Variants in UNC45A observed in about 807,000 individuals in gnomAD.
UNC45A encodes the protein unc-45 myosin chaperone A.
UNC45A carries 78 observed loss-of-function variants against 103.2 expected under a neutral mutation model. The ratio of observed to expected loss-of-function variants is 0.76; its 90% CI spans 0.63 to 0.91. The LOEUF (loss-of-function observed/expected upper bound fraction) is 0.91. UNC45A is among the 40% of genes least tolerant of loss of function. UNC45A has a pLI of 0.00. For synonymous variants in UNC45A, 495 were observed against 504.6 expected (o/e 0.98, Z 0.25); for missense variants, 1,193 against 1,224.8 (o/e 0.97, Z 0.39).
rs571594435 is a variant in UNC45A, at chr15:90,948,692, G to A, written c.1776G>A (p.Ala592=). 1.2e-5 allele frequency: 19 copies of A among 1,614,018 alleles called. No homozygotes were observed. The highest frequency in any genetic ancestry group is 7.7e-5 in the South Asian group (7 of 91,074). The stretch of plus-strand genomic sequence containing the variant: ...CAGTGCTCTTTGCGGTGGCCTCAGC[G>A]CTGGTGAACTGCACCAACAGCTATG... ...ERSVLFAVAS[A]LVNCTNSYDY... is the part of the protein sequence containing the mutation. Residue 592 remains alanine (A), a synonymous_variant, in exon 13 of 20, where the codon GCG becomes GCA. Transcript: ENST00000418476.
At chr15:90,933,894 C>T, upstream of UNC45A, 1 of 395,486 alleles carries the variant, frequency 2.5e-6, no homozygotes, top group Non-Finnish European at 4.4e-6. Flanking sequence ...TCTCTAAAAG[C>T]CTGTGATAGA....
chr15:90,936,802 G>A (rs563330497), intron 4 of UNC45A, among the ~76,000 whole-genome samples: 70 of 152,260 alleles, frequency 4.6e-4, no homozygotes, highest in African/African-American at 1.6e-3. Flanking sequence ...AGCGTATCTT[G>A]TGATCCCATA....
Position 90,936,327 on chromosome 15 carries a change from G to A in UNC45A, c.293G>A (p.Arg98Gln), listed in dbSNP as rs200456477. Residue 98 changes from arginine (R) to glutamine (Q), a missense_variant, in exon 4 of 20, where the codon CGG becomes CAG. By Grantham distance (43) the Arg-to-Gln change is conservative (BLOSUM62 1). Coordinates refer to ENST00000418476, the MANE Select transcript of UNC45A (RefSeq NM_018671.5). The stretch of plus-strand genomic sequence containing the variant: ...GGGGATGTCAAAGCACTCTACCGGC[G>A]GAGCCAAGCCCTAGAGAAGCTGGGC... ...DGGDVKALYR[R>Q]SQALEKLGRL... is the part of the protein sequence containing the mutation. The A allele has an allele frequency of 2.0e-5, 32 of 1,614,068 alleles. No individual in the cohort carries two copies. Among genetic ancestry groups the A allele is most frequent in the South Asian group, 1.6e-4 (15 of 91,056 alleles).
chr15:90,953,122 C>G, intron 18 of UNC45A, 33 bp from the exon 19 acceptor site: 1 of 1,613,018 alleles, frequency 6.2e-7, no homozygotes, highest in South Asian at 1.1e-5. Flanking sequence ...TTACACCCAA[C>G]TGACTTGGTC....
At position 90,939,746 on chromosome 15, in the gene UNC45A, T is replaced by G; in HGVS notation, c.442T>G (p.Ser148Ala). 6.2e-7 allele frequency: 1 copy of G among 1,614,208 alleles called. No homozygotes were observed. ...QIQEKVRYMS[S>A]TDAKVEQMFQ... ...GTTTGTCTAGGTGCGATACATGTCC[T>G]CGACGGATGCCAAAGTGGAACAGAT... The change falls in exon 5 of 20, where the codon TCG (serine) becomes GCG (alanine). Residue 148 changes from serine to alanine, a missense_variant. Physicochemically the swap from Ser to Ala is moderately conservative, Grantham distance 99 (BLOSUM62 1). Coordinates refer to ENST00000418476, the MANE Select transcript of UNC45A (RefSeq NM_018671.5).
chr15:90,941,683 G>T (rs949638627), intron 6 of UNC45A, among the ~76,000 whole-genome samples: 1 of 151,976 alleles, frequency 6.6e-6, no homozygotes, highest in Non-Finnish European at 1.5e-5. Context: ...GAGAGGGCCC[G>T]GCGCGGTGGC....
chr15:90,938,076 C>T (rs112604202), intron 4 of UNC45A, among the ~76,000 whole-genome samples: 3,678 of 152,218 alleles, frequency 0.024, 149 homozygotes, highest in African/African-American at 0.084. Flanking sequence ...GGATAACAGG[C>T]GTGAGCCATG....
Position 90,950,155 on chromosome 15 carries a change from C to G in UNC45A, c.2075C>G (p.Ala692Gly). 1 of 1,551,266 alleles carries G rather than the reference C, an allele frequency of 6.4e-7. No individual in the cohort carries two copies. The highest frequency in any genetic ancestry group is 8.7e-7 in the Non-Finnish European group (1 of 1,146,962). The change falls in exon 16 of 20, where the codon GCG becomes GGG. Residue 692 changes from alanine (A) to glycine (G), a missense_variant and splice_region_variant. Transcript: ENST00000418476. ...GTVVAQGGGR[A>G]LIPLALEGTD... is the part of the protein sequence containing the mutation. ...GCAGTGACGGGCTTGTTCCTACAGG[C>G]GCTGATCCCGCTGGCCCTGGAAGGC... is the stretch of plus-strand genomic sequence containing the variant.
intron 9 of UNC45A, among the ~76,000 whole-genome samples, chr15:90,945,330 T>C (rs1250175510): frequency 6.6e-6 from 1 of 152,072 alleles, no homozygotes; most frequent in East Asian, 1.9e-4. Context: ...CTTCCTACGC[T>C]TCTGTTCCCA....
intron 3 of UNC45A, 119 bp from the exon 4 acceptor site, chr15:90,936,166 C>T (rs776877270): frequency 3.5e-4 from 529 of 1,515,644 alleles, no homozygotes; most frequent in Non-Finnish European, 4.6e-4. Flanking sequence ...GGCTGAAGCA[C>T]CGAGCCCCAC....
Position 90,946,771 on chromosome 15 carries a change from G to C in UNC45A, c.1357G>C (p.Glu453Gln), listed in dbSNP as rs776603989. 1 of 1,614,232 alleles carries C rather than the reference G, an allele frequency of 6.2e-7. No homozygotes were observed. Among genetic ancestry groups the C allele is most frequent in the South Asian group, 1.1e-5 (1 of 91,088 alleles). ...TCTGTGTGCCTCTGAGCAGGAGGAG[G>C]AGCAGCTGGTGGCCGTGGAGGCTCT... ...IALCASEQEE[E>Q]QLVAVEALIH... Residue 453 changes from glutamate to glutamine, a missense_variant, in exon 10 of 20, where the codon GAG becomes CAG. Coordinates refer to ENST00000418476, the MANE Select transcript of UNC45A (RefSeq NM_018671.5).
intron 10 of UNC45A, 28 bp downstream of exon 10, chr15:90,946,942 G>GGGGGCGGGGGGGGGGGGGC: frequency 1.2e-6 from 1 of 817,442 alleles, no homozygotes; most frequent in African/African-American, 1.7e-5. Flanking sequence ...GGGTGGGTGG[G>GGGGGCGGGGGGGGGGGGGC]CAGGCAGCCA....
At chr15:90,940,237 C>T (rs1025943799) in intron 5 of UNC45A, 69 bp from the exon 6 acceptor site, 20 of 1,521,900 alleles carry the variant, frequency 1.3e-5, no homozygotes, top group Non-Finnish European at 1.6e-5. Context: ...GCTCGGGGCC[C>T]CTGCTCACCA....
intron 17 of UNC45A, chr15:90,952,166 T>C (rs1457090993): frequency 6.6e-6 from 1 of 152,300 alleles, no homozygotes; most frequent in East Asian, 1.9e-4. Flanking sequence ...GTGGAGCAGA[T>C]GTAGAAACTC....
chr15:90,942,378 T>C, intron 6 of UNC45A, 59 bp from the exon 7 acceptor site: 1 of 1,544,008 alleles, frequency 6.5e-7, no homozygotes, highest in Middle Eastern at 2.3e-4. Context: ...CAGTTAGGGA[T>C]CTCTGTGGCT....
upstream of UNC45A, chr15:90,932,385 C>A (rs893206995): frequency 7.4e-6 from 9 of 1,210,212 alleles, no homozygotes; most frequent in East Asian, 2.5e-4. Context: ...CCAGTCCCCA[C>A]CACCCAGGTG....
Position 90,944,913 on chromosome 15 carries a change from TG to T in UNC45A, c.1055del (p.Gly352AlafsTer12). ...ACAGGTCTGAAAAAGATTTTGGAAGTGGGGGGCTCTCTACAGGACCCTCCTG... is the reference window on the plus strand; with the variant it reads ...ACAGGTCTGAAAAAGATTTTGGAAGTGGGGGCTCTCTACAGGACCCTCCTG... ...IDQGLKKILE[V>X]GGSLQDPPGE... On this transcript the variant is annotated frameshift_variant, in exon 9 of 20. Coordinates refer to ENST00000418476, the MANE Select transcript of UNC45A (RefSeq NM_018671.5). LOFTEE classifies it high-confidence loss of function. 1 of 1,612,188 alleles carries T rather than the reference TG, an allele frequency of 6.2e-7. No homozygotes were observed. The highest frequency in any genetic ancestry group is 1.1e-5 in the South Asian group (1 of 90,990).
At chr15:90,944,344 G>A (rs1276917874) in intron 8 of UNC45A, among the ~76,000 whole-genome samples, 2 of 151,896 alleles carry the variant, frequency 1.3e-5, no homozygotes, top group Admixed American at 1.3e-4. Flanking sequence ...CCGAGATCGC[G>A]CCATTGCTCT....
At chr15:90,931,508 G>C (rs1052535), upstream of UNC45A, 459,997 of 1,613,716 alleles carry the variant, frequency 0.29, 68,453 homozygotes, top group East Asian at 0.57. Flanking sequence ...GTTCCTGATG[G>C]AATGAGCTGT....
Sources: allele counts gnomAD v4.1 joint callset (sites outside exome capture counted in the v4.1 genomes callset), GRCh38; gene constraint gnomAD v4.1.1; transcripts MANE v1.5; gene names NCBI Gene and HGNC (gene_info 2026-07-23, HGNC 2026-07-21).